FBN3: variants seen among roughly 807,000 people sequenced by gnomAD.
The protein encoded by FBN3 is fibrillin 3, also known as fibrillin-3.
Under a neutral mutation model 330.1 loss-of-function variants are expected in FBN3, and 234 were observed. The ratio of observed to expected loss-of-function variants is 0.71; its 90% CI spans 0.64 to 0.79. The LOEUF is 0.79. Ranked by LOEUF, FBN3 falls within the 30% of genes least tolerant of loss-of-function variation. The pLI is 0.00. For synonymous variants in FBN3, 1,458 were observed against 1,517.3 expected (o/e 0.96, Z 0.91); for missense variants, 3,606 against 3,886.9 (o/e 0.93, Z 1.92).
chr19:8,071,851 CCCCCCCCAAG>C (rs1019705054), intron 63 of FBN3, among the ~76,000 whole-genome samples, 187 bp downstream of exon 63: 2 of 30,190 alleles, frequency 6.6e-5, no homozygotes, highest in African/African-American at 1.1e-4. Flanking sequence ...CCCCCAGAGA[CCCCCCCCAAG>C]AAAAATCCCA....
chr19:8,096,746 A>T lies in FBN3; in HGVS notation c.5413+135T>A. On this transcript the variant is annotated intron_variant, in intron 43 of 63. Transcript: ENST00000600128. The surrounding 1 kb of genome is among the most constrained non-coding windows in gnomAD (Gnocchi z 4.6). ...CTCACCTCTATCACATCCTATTAAC[A>T]GACACTCTCAATACATCCCCCACCC... The T allele has an allele frequency of 7.8e-7, 1 of 1,281,596 alleles. No individual in the cohort carries two copies. Among genetic ancestry groups the T allele is most frequent in the Non-Finnish European group, 1.1e-6 (1 of 923,594 alleles). 79.4% of individuals were successfully genotyped at this position (1,281,596 alleles called of 1,614,324 possible).
At chr19:8,073,430 G>T in intron 61 of FBN3, 133 bp from the exon 62 acceptor site, 1 of 723,154 alleles carries the variant, frequency 1.4e-6, no homozygotes. Context: ...CAGCAAGCTG[G>T]CAGTGAGCCC....
chr19:8,086,219 G>A lies in FBN3; in HGVS notation c.6861C>T (p.Pro2287=), dbSNP rs146124861. Residue 2287 remains proline, a synonymous_variant, in exon 55 of 64, where the codon CCC becomes CCT. Coordinates refer to ENST00000600128, the MANE Select transcript of FBN3 (RefSeq NM_032447.5). ...CDCDEGFQPS[P]TLTECHDIRQ... ...ACTCACCGTGGCACTCGGTAAGGGT[G>A]GGGCTGGGCTGGAATCCCTCATCAC... is the stretch of plus-strand genomic sequence containing the variant. The A allele has an allele frequency of 4.5e-5, 73 of 1,608,224 alleles. No individual in the cohort carries two copies. In the African/African-American group the frequency reaches 8.3e-4, roughly 18 times the overall value.
intron 47 of FBN3, 128 bp from the exon 48 acceptor site, chr19:8,091,718 C>A: frequency 9.8e-7 from 1 of 1,020,114 alleles, no homozygotes; most frequent in Non-Finnish European, 1.4e-6. Flanking sequence ...GGCTGGGGTC[C>A]TGAGAGCTCA....
At position 8,128,900 on chromosome 19, in the gene FBN3, C is replaced by T. The variant is rs73505697; in HGVS notation, c.2296+128G>A. The T allele has an allele frequency of 0.02, 21,563 of 1,094,508 alleles. 2,225 individuals are homozygous for T. In the African/African-American group the frequency reaches 0.26, roughly 13 times the overall value. The allele number at this position is 1,094,508 out of a possible 1,614,324, so 67.8% of individuals were successfully genotyped here. On this transcript the variant is annotated intron_variant, in intron 18 of 63. Transcript: ENST00000600128. ...GTGTGTGCACACTACATATAGCATG[C>T]GTGTGTGAATAGAGGTAACATGTAA...
chr19:8,138,322 A>T lies in FBN3; in HGVS notation c.1020T>A (p.Asn340Lys). Residue 340 changes from asparagine to lysine, a missense_variant and splice_region_variant, in exon 10 of 64, where the codon AAT becomes AAA. Coordinates refer to ENST00000600128, the MANE Select transcript of FBN3 (RefSeq NM_032447.5). ...VPELCPPRGS[N>K]EFQQLCAQRL... The stretch of plus-strand genomic sequence containing the variant: ...GCTGGGCGCACAGTTGCTGGAATTC[A>T]TCTGCAAGGAAGCAGGGTTGAGGCC... The T allele has an allele frequency of 6.2e-7, 1 of 1,613,096 alleles. No individual in the cohort carries two copies. The highest frequency in any genetic ancestry group is 8.5e-7 in the Non-Finnish European group (1 of 1,179,688).
chr19:8,132,481 T>C (rs1176855511), intron 14 of FBN3, among the ~76,000 whole-genome samples: 1 of 151,632 alleles, frequency 6.6e-6, no homozygotes, highest in Non-Finnish European at 1.5e-5. Flanking sequence ...CCTCCCCACC[T>C]TATAATGCAT....
rs2082060579 is a variant in FBN3, at chr19:8,090,109, C to T, written c.6174G>A (p.Gln2058=). 5 of 1,613,610 alleles carry T rather than the reference C, an allele frequency of 3.1e-6. No homozygotes were observed. Among genetic ancestry groups the T allele is most frequent in the Admixed American group, 1.7e-5 (1 of 59,948 alleles). Residue 2058 remains glutamine, a synonymous_variant, in exon 49 of 64, where the codon CAG becomes CAA. Coordinates refer to ENST00000600128, the MANE Select transcript of FBN3 (RefSeq NM_032447.5). ...GWGDPCELCP[Q]EGSAAFQELC... Reference sequence around the variant, plus strand: ...GGGGTGGGCACTCACCGCTGCCCTCCTGGGGACACAGTTCGCAGGGGTCTC... The same window carrying T: ...GGGGTGGGCACTCACCGCTGCCCTCTTGGGGACACAGTTCGCAGGGGTCTC...
At chr19:8,125,861 G>A (rs1912955629) in intron 22 of FBN3, 31 bp downstream of exon 22, 2 of 1,577,462 alleles carry the variant, frequency 1.3e-6, no homozygotes, top group Non-Finnish European at 1.7e-6. Context: ...AAGAACGTGT[G>A]GCCCTGTATG....
At chr19:8,072,304 C>T in intron 62 of FBN3, 106 bp from the exon 63 acceptor site, 1 of 1,210,730 alleles carries the variant, frequency 8.3e-7, no homozygotes, top group Admixed American at 2.5e-5. Flanking sequence ...GCTGCAAATG[C>T]CCACGCACAC....
At chr19:8,073,927 CT>C (rs1271516920) in intron 61 of FBN3, among the ~76,000 whole-genome samples, 3 of 152,166 alleles carry the variant, frequency 2.0e-5, no homozygotes, top group Admixed American at 6.6e-5. Context: ...AATGATCCCC[CT>C]ACCTCAATAT....
chr19:8,067,837 CA>C (rs1289027973), intron 63 of FBN3, among the ~76,000 whole-genome samples: 1 of 152,002 alleles, frequency 6.6e-6, no homozygotes, highest in Non-Finnish European at 1.5e-5. Flanking sequence ...CCAAGGTGGA[CA>C]GATTGCTTGA....
At position 8,111,743 on chromosome 19, in the gene FBN3, T is replaced by C; in HGVS notation, c.3989A>G (p.His1330Arg). The C allele has an allele frequency of 6.2e-7, 1 of 1,611,976 alleles. No individual in the cohort carries two copies. The highest frequency in any genetic ancestry group is 1.1e-5 in the South Asian group (1 of 91,012). ...HDLDECVSQE[H>R]RCSPRGDCLN... is the part of the protein sequence containing the mutation. ...ACAGTCACCTCTTGGGCTGCACCGGTGCTCCTGGGAGACGCATTCATCCAG... is the reference window on the plus strand; with the variant it reads ...ACAGTCACCTCTTGGGCTGCACCGGCGCTCCTGGGAGACGCATTCATCCAG... The change falls in exon 32 of 64, where the codon CAC (histidine) becomes CGC (arginine). Residue 1330 changes from histidine (H) to arginine (R), a missense_variant. His to Arg is a conservative substitution (Grantham distance 29, BLOSUM62 0). Coordinates refer to ENST00000600128, the MANE Select transcript of FBN3 (RefSeq NM_032447.5).
In FBN3 at chr19:8,096,209, C is replaced by A. The variant is rs1463507627; in HGVS notation, c.5540-129G>T. The A allele has an allele frequency of 4.6e-6, 4 of 878,892 alleles. No homozygotes were observed. Among genetic ancestry groups the A allele is most frequent in the Admixed American group, 1.9e-5 (1 of 51,902 alleles). 54.4% of individuals were successfully genotyped at this position (878,892 alleles called of 1,614,324 possible). On this transcript the variant is annotated intron_variant, in intron 44 of 63. Transcript: ENST00000600128. This position sits in a 1 kb window ranked among gnomAD's most constrained non-coding sequence, Gnocchi z 4.6. Reference sequence around the variant, plus strand: ...CCTGCCTAGATGACTGGGCAGTGACCCCTGGCGGTGATGGCTGGGAAGTAC... The same window carrying A: ...CCTGCCTAGATGACTGGGCAGTGACACCTGGCGGTGATGGCTGGGAAGTAC...
intron 63 of FBN3, among the ~76,000 whole-genome samples, chr19:8,069,267 C>A (rs1350650746): frequency 1.3e-5 from 2 of 152,176 alleles, no homozygotes; most frequent in African/African-American, 4.8e-5. Flanking sequence ...CTCTGAAGTG[C>A]CTTCCTGGTC....
At chr19:8,097,165 T>C in intron 42 of FBN3, 124 bp downstream of exon 42, 7 of 1,464,998 alleles carry the variant, frequency 4.8e-6, no homozygotes, top group Admixed American at 2.0e-5. Context: ...CTTGGAAAGG[T>C]GTTAGCCCAT....
intron 8 of FBN3, 87 bp from the exon 9 acceptor site, chr19:8,138,651 G>A (rs185514073): frequency 1.4e-5 from 20 of 1,385,528 alleles, no homozygotes; most frequent in Admixed American, 8.8e-5. Context: ...AGCACTGCCT[G>A]TAGGACGGGT....
rs774998347 is a variant in FBN3 at position 8,117,160 on chromosome 19, C to G, written c.3586+9G>C. On this transcript the variant is annotated intron_variant, in intron 28 of 63. Coordinates refer to ENST00000600128, the MANE Select transcript of FBN3 (RefSeq NM_032447.5). ...CACCAGGCAGTGGGAAGAAGTTGTG[C>G]CCACCTACCTGCACATGCCCTTCCG... The G allele has an allele frequency of 1.1e-5, 18 of 1,613,700 alleles. No individual in the cohort carries two copies. The highest frequency in any genetic ancestry group is 1.5e-5 in the Non-Finnish European group (18 of 1,179,872).
At chr19:8,097,097 G>C (rs1022316857) in intron 42 of FBN3, 91 bp from the exon 43 acceptor site, 38 of 1,543,560 alleles carry the variant, frequency 2.5e-5, no homozygotes, top group Non-Finnish European at 3.1e-5. Context: ...TTCGGAGCAG[G>C]TGGTTTCTCT....
Sources: allele counts gnomAD v4.1 joint callset (sites outside exome capture counted in the v4.1 genomes callset), GRCh38; gene constraint gnomAD v4.1.1; non-coding constraint Gnocchi (gnomAD v3.1); transcripts MANE v1.5; gene names NCBI Gene and HGNC (gene_info 2026-07-23, HGNC 2026-07-21).